The following PITPNM3 variants were observed in gnomAD, a reference collection of about 807,000 sequenced individuals.
PITPNM3 encodes PITPNM family member 3.
In PITPNM3, 26 loss-of-function variants were observed where a neutral mutation model predicts 102.0. That is an observed-to-expected ratio of 0.25 (90% CI 0.19 to 0.35). PITPNM3 has a LOEUF of 0.35. Among genes scored for constraint, PITPNM3 ranks in the 10% least tolerant of loss-of-function variants. The pLI, the probability that PITPNM3 is intolerant of heterozygous loss-of-function variation, is 1.00. For synonymous variants in PITPNM3, 578 were observed against 558.6 expected, an observed-to-expected ratio of 1.03 and a Z score of -0.49; for missense variants, 1,083 against 1,346.1, an observed-to-expected ratio of 0.80 and a Z score of 3.06.
Position 6,458,702 on chromosome 17 carries a change from G to A in PITPNM3, c.2491-980C>T, listed in dbSNP as rs370789510. Among the ~76,000 whole-genome samples the A allele has an allele frequency of 1.3e-5, 2 of 151,572 alleles. No individual in the cohort carries two copies. Among genetic ancestry groups the A allele is most frequent in the Admixed American group, 6.6e-5 (1 of 15,206 alleles). On this transcript the variant is annotated intron_variant, in intron 18 of 19. Coordinates refer to ENST00000262483, the MANE Select transcript of PITPNM3 (RefSeq NM_031220.4). The surrounding 1 kb of genome is among the most constrained non-coding windows in gnomAD (Gnocchi z 5.1). ...TTTTCTGCACCAGCCCTGCTGCCTC[G>A]CCCCTTCCTCATCCTGCCTGAGTGA...
chr17:6,538,072 G>A lies in PITPNM3; in HGVS notation c.33C>T (p.Pro11=), dbSNP rs1265981789. The A allele has an allele frequency of 6.2e-7, 1 of 1,610,676 alleles. No individual in the cohort carries two copies. Among genetic ancestry groups the A allele is most frequent in the Admixed American group, 1.7e-5 (1 of 60,004 alleles). Residue 11 remains proline, a synonymous_variant, in exon 2 of 20, where the codon CCC becomes CCT. Transcript: ENST00000262483. MAKAGRAGGP[P]PGGGAPWHLR... ...GGTGCCAGGGGGCACCGCCGCCCGG[G>A]GGAGGACCACCTGTTAAAGGGAACA...
At chr17:6,500,651 G>A (rs1466142009) in intron 4 of PITPNM3, among the ~76,000 whole-genome samples, 2 of 151,698 alleles carry the variant, frequency 1.3e-5, no homozygotes, top group South Asian at 2.1e-4. Flanking sequence ...CTGCACATAC[G>A]CTGTCATTCT....
chr17:6,521,716 A>C lies in PITPNM3; in HGVS notation c.226+3640T>G, dbSNP rs1908533753. Among the ~76,000 whole-genome samples, 2 of 152,086 alleles carry C rather than the reference A, an allele frequency of 1.3e-5. 1 individual carries two copies. The highest frequency in any genetic ancestry group is 4.1e-4 in the South Asian group (2 of 4,824). On this transcript the variant is annotated intron_variant, in intron 3 of 19. Transcript: ENST00000262483. The stretch of plus-strand genomic sequence containing the variant: ...ATGTATAATACACAGTGCCAGAAAC[A>C]AAAAAGGAATCCAGAGACGAAAGCA...
rs1319751386 is a variant in PITPNM3 at position 6,457,385 on chromosome 17, C to A, written c.2619+209G>T. ...TCCATCTCGCCACTACACTGAAGTT[C>A]ATTGCATCTGGCTCCACTTGGGATT... On this transcript the variant is annotated intron_variant, in intron 19 of 19. Transcript: ENST00000262483. The surrounding 1 kb of genome is among the most constrained non-coding windows in gnomAD (Gnocchi z 4.7). Among the ~76,000 whole-genome samples, 2 of 152,260 alleles carry A rather than the reference C, an allele frequency of 1.3e-5. No individual in the cohort carries two copies. The highest frequency in any genetic ancestry group is 2.9e-5 in the Non-Finnish European group (2 of 68,052).
At chr17:6,501,029 T>C (rs1907136678) in intron 4 of PITPNM3, among the ~76,000 whole-genome samples, 1 of 152,182 alleles carries the variant, frequency 6.6e-6, no homozygotes, top group Non-Finnish European at 1.5e-5. Context: ...AGCAATAGAA[T>C]TCTAACTACT....
chr17:6,544,912 C>T (rs1597418077), intron 1 of PITPNM3, among the ~76,000 whole-genome samples: 2 of 152,146 alleles, frequency 1.3e-5, no homozygotes, highest in East Asian at 3.9e-4. Context: ...CACTTCAGTG[C>T]TCTCAGCTCT....
At chr17:6,487,297 G>A (rs369371906) in intron 4 of PITPNM3, among the ~76,000 whole-genome samples, 12 of 152,332 alleles carry the variant, frequency 7.9e-5, no homozygotes, top group African/African-American at 2.9e-4. Flanking sequence ...ACCCCATGGG[G>A]TGGTGGTGAG....
At position 6,478,509 on chromosome 17, in the gene PITPNM3, C is replaced by T. The variant is rs754557615; in HGVS notation, c.777+38G>A. 5 of 1,609,990 alleles carry T rather than the reference C, an allele frequency of 3.1e-6. No individual in the cohort carries two copies. Among genetic ancestry groups the T allele is most frequent in the Non-Finnish European group, 4.2e-6 (5 of 1,176,826 alleles). On this transcript the variant is annotated intron_variant, in intron 7 of 19. Coordinates refer to ENST00000262483, the MANE Select transcript of PITPNM3 (RefSeq NM_031220.4). This position sits in a 1 kb window ranked among gnomAD's most constrained non-coding sequence, Gnocchi z 4.4. ...CCTCTCTCCCAGGCCGGGGCCGGAA[C>T]AGGGGAGGGGAGAGGAGGAGAGGGC...
chr17:6,461,612 C>T (rs966206090), intron 17 of PITPNM3, 56 bp from the exon 18 acceptor site: 4 of 1,585,644 alleles, frequency 2.5e-6, no homozygotes, highest in Admixed American at 1.7e-5. Flanking sequence ...CACCTGATGC[C>T]CAGAAGCCTG....
At chr17:6,493,618 G>A (rs1044674689) in intron 4 of PITPNM3, among the ~76,000 whole-genome samples, 144 of 152,306 alleles carry the variant, frequency 9.5e-4, no homozygotes, top group African/African-American at 3.3e-3. Flanking sequence ...CAGAGTCTGG[G>A]GGAGCTGGTG....
rs1905106310 is a variant in PITPNM3, at chr17:6,472,188, C to T, written c.1429+469G>A. On this transcript the variant is annotated intron_variant, in intron 11 of 19. Coordinates refer to ENST00000262483, the MANE Select transcript of PITPNM3 (RefSeq NM_031220.4). This position sits in a 1 kb window ranked among gnomAD's most constrained non-coding sequence, Gnocchi z 4.1. The stretch of plus-strand genomic sequence containing the variant: ...AACACCTGCCCTCGCTCCTGCTGTT[C>T]TCCCTGCCTGGAAGATCTCAACCCT... Among the ~76,000 whole-genome samples, 1 of 152,220 alleles carries T rather than the reference C, an allele frequency of 6.6e-6. No homozygotes were observed. Among genetic ancestry groups the T allele is most frequent in the Non-Finnish European group, 1.5e-5 (1 of 68,038 alleles).
chr17:6,538,153 C>T (rs1390208225), intron 1 of PITPNM3, 71 bp from the exon 2 acceptor site: 2 of 1,164,520 alleles, frequency 1.7e-6, no homozygotes, highest in African/African-American at 3.0e-5. Flanking sequence ...GACCCAAGAC[C>T]CCCCTGGACT....
At position 6,548,566 on chromosome 17, in the gene PITPNM3, A is replaced by G. The variant is rs117104224; in HGVS notation, c.22+7819T>C. ...CAAAAGGAGTTCTGTTGAGGGTAGT[A>G]ATCTGGATCAACCCAGAACAATCAG... On this transcript the variant is annotated intron_variant, in intron 1 of 19. Coordinates refer to ENST00000262483, the MANE Select transcript of PITPNM3 (RefSeq NM_031220.4). Among the ~76,000 whole-genome samples the G allele has an allele frequency of 1.6e-3, 237 of 152,196 alleles. 1 individual carries two copies. The East Asian group carries it at 0.018, about 11-fold the overall frequency.
Position 6,470,519 on chromosome 17 carries a change from G to T in PITPNM3, c.1625-111C>A. ...GTGGTGGATGCCCCACGTGGGGCAC[G>T]GGTTTGGGCGGGAGCACCCTGGCCT... On this transcript the variant is annotated intron_variant, in intron 12 of 19. Transcript: ENST00000262483. The surrounding 1 kb of genome is among the most constrained non-coding windows in gnomAD (Gnocchi z 4.8). The T allele has an allele frequency of 7.1e-7, 1 of 1,417,308 alleles. No individual in the cohort carries two copies. Among genetic ancestry groups the T allele is most frequent in the Non-Finnish European group, 9.9e-7 (1 of 1,014,210 alleles). The allele number at this position is 1,417,308 out of a possible 1,614,324, so 87.8% of individuals were successfully genotyped here. A position where few individuals can be genotyped will look rare whatever the true frequency, so the allele number is the denominator to read the frequency against.
At chr17:6,525,862 A>G (rs1368145258) in intron 2 of PITPNM3, among the ~76,000 whole-genome samples, 2 of 152,250 alleles carry the variant, frequency 1.3e-5, no homozygotes, top group African/African-American at 4.8e-5. Context: ...CATCACTAAA[A>G]TGGATCTGGC....
Position 6,459,223 on chromosome 17 carries a change from CTG to C in PITPNM3, c.2491-1503_2491-1502del, listed in dbSNP as rs1380703956. Among the ~76,000 whole-genome samples, 1 of 152,176 alleles carries C rather than the reference CTG, an allele frequency of 6.6e-6. No homozygotes were observed. The highest frequency in any genetic ancestry group is 1.5e-5 in the Non-Finnish European group (1 of 68,034). ...ACTTTTGCCCCCTTGTCCTTCCGAA[CTG>C]TCTTTTCCTCACAAGGTCATCTGGT... is the stretch of plus-strand genomic sequence containing the variant. On this transcript the variant is annotated intron_variant, in intron 18 of 19. Transcript: ENST00000262483. This position sits in a 1 kb window ranked among gnomAD's most constrained non-coding sequence, Gnocchi z 5.0.
chr17:6,471,424 C>T (rs1057094021), intron 11 of PITPNM3, 69 bp from the exon 12 acceptor site: 3 of 1,385,130 alleles, frequency 2.2e-6, no homozygotes, highest in Non-Finnish European at 2.9e-6. Flanking sequence ...CAGTGCCAGC[C>T]CCATGCTGGG....
chr17:6,512,833 C>T (rs1907946920), intron 3 of PITPNM3, among the ~76,000 whole-genome samples: 2 of 152,116 alleles, frequency 1.3e-5, no homozygotes, highest in Non-Finnish European at 2.9e-5. Flanking sequence ...CAAGAAGAAC[C>T]TAGATTGTAA....
intron 3 of PITPNM3, among the ~76,000 whole-genome samples, chr17:6,504,682 A>G (rs1907382211): frequency 1.3e-5 from 2 of 151,966 alleles, no homozygotes; most frequent in African/African-American, 4.8e-5. Context: ...CTCGCTAAGA[A>G]CCTCCAGGTC....
Sources: allele counts gnomAD v4.1 joint callset (sites outside exome capture counted in the v4.1 genomes callset), GRCh38; gene constraint gnomAD v4.1.1; non-coding constraint Gnocchi (gnomAD v3.1); transcripts MANE v1.5; gene names NCBI Gene and HGNC (gene_info 2026-07-23, HGNC 2026-07-21).